ERBB4: variants seen among roughly 807,000 people sequenced by gnomAD.
ERBB4 encodes receptor tyrosine-protein kinase erbB-4.
In ERBB4, 42 loss-of-function variants were observed where a neutral mutation model predicts 158.0. The observed-to-expected ratio is 0.27, with a 90% CI of 0.21 to 0.34. The LOEUF (loss-of-function observed/expected upper bound fraction) is 0.34. ERBB4 is among the 10% of genes least tolerant of loss of function. ERBB4 has a pLI of 1.00. For missense variants in ERBB4, 1,333 were observed against 1,624.1 expected (o/e 0.82, Z 3.08); for synonymous variants, 583 against 558.7 (o/e 1.04, Z -0.61).
intron 3 of ERBB4, among the ~76,000 whole-genome samples, chr2:211,899,017 C>T (rs1175085151): frequency 6.6e-6 from 1 of 152,078 alleles, no homozygotes; most frequent in Non-Finnish European, 1.5e-5. Context: ...TAATGTTTTG[C>T]CCAGTACCTT....
intron 1 of ERBB4, among the ~76,000 whole-genome samples, chr2:212,227,012 G>A (rs994153937): frequency 1.2e-4 from 18 of 152,188 alleles, no homozygotes; most frequent in East Asian, 9.7e-4. Context: ...CTAGAAGGCC[G>A]AGGCTGGCAG....
chr2:211,572,732 A>G (rs1375972961), intron 19 of ERBB4, among the ~76,000 whole-genome samples: 2 of 151,762 alleles, frequency 1.3e-5, no homozygotes, highest in Non-Finnish European at 2.9e-5. Flanking sequence ...TTTTATAAAG[A>G]CTCTTTTGCT....
intron 19 of ERBB4, among the ~76,000 whole-genome samples, chr2:211,580,795 TATATA>T (rs1430755658): frequency 1.5e-5 from 1 of 66,568 alleles, no homozygotes; most frequent in Non-Finnish European, 2.3e-5. Context: ...GTGATATATA[TATATA>T]TATATATATA....
intron 20 of ERBB4, among the ~76,000 whole-genome samples, chr2:211,525,917 CA>C (rs1217200762): frequency 6.6e-6 from 1 of 152,010 alleles, no homozygotes; most frequent in Non-Finnish European, 1.5e-5. Flanking sequence ...GAAGGCCAAC[CA>C]AACCATAGAA....
chr2:211,599,118 G>A (rs182090918), intron 19 of ERBB4, among the ~76,000 whole-genome samples: 1 of 152,278 alleles, frequency 6.6e-6, no homozygotes, highest in East Asian at 1.9e-4. Context: ...CTCTTGAGCA[G>A]TCCAGGGCAC....
At chr2:211,427,952 A>C (rs890704918) in intron 22 of ERBB4, among the ~76,000 whole-genome samples, 3 of 151,532 alleles carry the variant, frequency 2.0e-5, no homozygotes, top group Admixed American at 6.6e-5. Flanking sequence ...AAAAAAAAAA[A>C]AACAGAAAAA....
chr2:212,057,318 C>T (rs2077610672), intron 2 of ERBB4, among the ~76,000 whole-genome samples: 3 of 152,146 alleles, frequency 2.0e-5, no homozygotes, highest in Non-Finnish European at 4.4e-5. Context: ...TAGACTCCCA[C>T]ACAATAATAA....
intron 1 of ERBB4, among the ~76,000 whole-genome samples, chr2:212,329,361 A>G (rs961326662): frequency 6.6e-6 from 1 of 152,008 alleles, no homozygotes; most frequent in Non-Finnish European, 1.5e-5. Flanking sequence ...TAGCTTTTAC[A>G]CACAGTCATT....
intron 21 of ERBB4, among the ~76,000 whole-genome samples, chr2:211,430,043 A>C (rs1397206272): frequency 6.6e-6 from 1 of 152,096 alleles, no homozygotes; most frequent in Non-Finnish European, 1.5e-5. Flanking sequence ...GTAGTTTTAA[A>C]ATTTTTTGTG....
intron 14 of ERBB4, among the ~76,000 whole-genome samples, chr2:211,666,816 T>C (rs996784040): frequency 3.3e-5 from 5 of 152,222 alleles, no homozygotes; most frequent in African/African-American, 4.8e-5. Flanking sequence ...ACAATCATTA[T>C]AGTTCACATG....
At chr2:211,985,971 T>C (rs751426133) in intron 2 of ERBB4, among the ~76,000 whole-genome samples, 1 of 152,196 alleles carries the variant, frequency 6.6e-6, no homozygotes, top group Non-Finnish European at 1.5e-5. Flanking sequence ...ATAGCAGATC[T>C]AATTTGTTAA....
intron 2 of ERBB4, among the ~76,000 whole-genome samples, chr2:212,026,044 T>C (rs2076765139): frequency 6.6e-6 from 1 of 151,654 alleles, no homozygotes; most frequent in Non-Finnish European, 1.5e-5. Context: ...GATGCGTAAA[T>C]GCTTTGAAAC....
chr2:211,965,114 C>T (rs372954292), intron 2 of ERBB4, among the ~76,000 whole-genome samples: 3 of 151,946 alleles, frequency 2.0e-5, no homozygotes, highest in Non-Finnish European at 1.5e-5. Flanking sequence ...CTCTGCAATA[C>T]CATGAAATAA....
chr2:212,535,522 C>G (rs568465101), intron 1 of ERBB4, among the ~76,000 whole-genome samples: 2 of 152,214 alleles, frequency 1.3e-5, no homozygotes, highest in East Asian at 3.9e-4. Context: ...GGGAACTGAA[C>G]TTGTTCATCG....
At chr2:211,568,771 G>C (rs2067627416) in intron 19 of ERBB4, among the ~76,000 whole-genome samples, 1 of 152,076 alleles carries the variant, frequency 6.6e-6, no homozygotes. Context: ...GCGCTTGAAA[G>C]AAATGCTGCC....
rs146477488 is a variant in ERBB4, at chr2:212,271,360, A to C, written c.83-146457T>G. The stretch of plus-strand genomic sequence containing the variant: ...ACTTAGGTTAGAAAATAGGTTAGGA[A>C]AGTATTTTTTCATATGTGGTATTTT... On this transcript the variant is annotated intron_variant, in intron 1 of 27. Coordinates refer to ENST00000342788, the MANE Select transcript of ERBB4 (RefSeq NM_005235.3). 2.5e-3 allele frequency among the ~76,000 whole-genome samples: 385 copies of C among 151,892 alleles called. 1 individual carries two copies. The highest frequency in any genetic ancestry group is 8.8e-3 in the African/African-American group (365 of 41,502).
intron 1 of ERBB4, among the ~76,000 whole-genome samples, chr2:212,457,094 G>C (rs1688331456): frequency 6.6e-6 from 1 of 151,844 alleles, no homozygotes; most frequent in Non-Finnish European, 1.5e-5. Flanking sequence ...GTACCTAAAA[G>C]ATATCCTAGT....
chr2:211,427,738 G>A (rs1254406831), intron 22 of ERBB4, among the ~76,000 whole-genome samples: 1 of 151,708 alleles, frequency 6.6e-6, no homozygotes, highest in Non-Finnish European at 1.5e-5. Context: ...TTTTGTTTTT[G>A]TTTGAATATT....
At chr2:211,639,159 C>G (rs1487827991) in intron 16 of ERBB4, among the ~76,000 whole-genome samples, 1 of 152,016 alleles carries the variant, frequency 6.6e-6, no homozygotes, top group Non-Finnish European at 1.5e-5. Context: ...ATATACCATA[C>G]TAATACAGTA....
Sources: allele counts gnomAD v4.1 joint callset (sites outside exome capture counted in the v4.1 genomes callset), GRCh38; gene constraint gnomAD v4.1.1; transcripts MANE v1.5; gene names NCBI Gene and HGNC (gene_info 2026-07-23, HGNC 2026-07-21).